The following CTNNA2 variants were observed in gnomAD, a reference collection of about 807,000 sequenced individuals.
The protein encoded by CTNNA2 is catenin alpha 2.
Under a neutral mutation model 101.0 loss-of-function variants are expected in CTNNA2, and 42 were observed. That is an observed-to-expected ratio of 0.42 (90% CI 0.32 to 0.54). The LOEUF is 0.54. Ranked by LOEUF, CTNNA2 falls within the 20% of genes least tolerant of loss-of-function variation. The pLI is 0.14. For synonymous variants in CTNNA2, 450 were observed against 456.4 expected, an observed-to-expected ratio of 0.99 and a Z score of 0.18; for missense variants, 871 against 1,223.1, an observed-to-expected ratio of 0.71 and a Z score of 4.29.
rs67782114 is a variant in CTNNA2, at chr2:79,664,705, CTTTTTTTTTTTTTT to C, written c.102+13060_102+13073del. Among the ~76,000 whole-genome samples, 18 of 94,988 alleles carry C rather than the reference CTTTTTTTTTTTTTT, an allele frequency of 1.9e-4. 2 individuals are homozygous for C. In the East Asian group the frequency reaches 5.6e-3, roughly 30 times the overall value. 62.3% of individuals were successfully genotyped at this position (94,988 alleles called of 152,430 possible). A position where few individuals can be genotyped will look rare whatever the true frequency, so the allele number is the denominator to read the frequency against. Reference sequence around the variant, plus strand: ...TAAATTCTGGAGAATTCACATTCTTCTTTTTTTTTTTTTTTTTTTTTTTTTTGAGACGGAGTCTC... The same window carrying C: ...TAAATTCTGGAGAATTCACATTCTTCTTTTTTTTTTTTGAGACGGAGTCTC... On this transcript the variant is annotated intron_variant, in intron 2 of 18. Coordinates refer to ENST00000402739, the MANE Select transcript of CTNNA2 (RefSeq NM_001282597.3).
intron 7 of CTNNA2, among the ~76,000 whole-genome samples, chr2:79,941,222 A>G (rs191035990): frequency 6.6e-6 from 1 of 152,282 alleles, no homozygotes; most frequent in East Asian, 1.9e-4. Context: ...AATAGCTTTT[A>G]TTTCCCTATA....
intron 7 of CTNNA2, among the ~76,000 whole-genome samples, chr2:80,195,612 CT>C (rs538517274): frequency 0.022 from 2,861 of 127,320 alleles, 45 homozygotes; most frequent in African/African-American, 0.052. Flanking sequence ...ACCAAAACAT[CT>C]TTTTTTTTTT....
intron 2 of CTNNA2, among the ~76,000 whole-genome samples, chr2:79,675,205 T>C (rs1683101578): frequency 6.6e-6 from 1 of 152,166 alleles, no homozygotes; most frequent in African/African-American, 2.4e-5. Context: ...TGAAGAACAA[T>C]GGGAGAATTA....
chr2:79,216,002 G>A (rs1343116781), intron 2 of CTNNA2, among the ~76,000 whole-genome samples: 1 of 152,008 alleles, frequency 6.6e-6, no homozygotes. Flanking sequence ...GATTTGGGAC[G>A]AGTTGCATTG....
At chr2:80,253,032 A>T (rs995236871) in intron 7 of CTNNA2, among the ~76,000 whole-genome samples, 5 of 151,714 alleles carry the variant, frequency 3.3e-5, no homozygotes, top group African/African-American at 1.2e-4. Context: ...CTTACTTTCT[A>T]CTCCAGTCCT....
intron 7 of CTNNA2, among the ~76,000 whole-genome samples, chr2:80,080,544 A>G (rs1374355346): frequency 6.6e-6 from 1 of 152,210 alleles, no homozygotes; most frequent in East Asian, 1.9e-4. Flanking sequence ...TAGCTTTGTG[A>G]CATTGGGATA....
intron 2 of CTNNA2, among the ~76,000 whole-genome samples, chr2:79,666,150 G>A (rs548054958): frequency 7.2e-5 from 11 of 152,202 alleles, no homozygotes; most frequent in Admixed American, 5.2e-4. Context: ...AGTGACTTTT[G>A]CATTTTTTAA....
intron 7 of CTNNA2, among the ~76,000 whole-genome samples, chr2:80,310,130 A>G (rs1315273199): frequency 1.3e-5 from 2 of 152,212 alleles, no homozygotes. Context: ...GATATCATTG[A>G]TTCCCTAGTT....
At chr2:80,398,657 C>T (rs1367373809) in intron 8 of CTNNA2, among the ~76,000 whole-genome samples, 33 of 150,150 alleles carry the variant, frequency 2.2e-4, no homozygotes, top group Non-Finnish European at 3.8e-4. Flanking sequence ...GAGTTCAAGA[C>T]CAGCCTGACC....
At chr2:80,223,280 C>T (rs574089812) in intron 7 of CTNNA2, among the ~76,000 whole-genome samples, 19 of 152,192 alleles carry the variant, frequency 1.2e-4, no homozygotes, top group Non-Finnish European at 2.4e-4. Flanking sequence ...AAGCGATAAA[C>T]GAAAACATCA....
At chr2:79,577,078 T>A (rs1675845482) in intron 1 of CTNNA2, among the ~76,000 whole-genome samples, 1 of 152,140 alleles carries the variant, frequency 6.6e-6, no homozygotes, top group South Asian at 2.1e-4. Context: ...TTAGTTAAAA[T>A]TTTCATGTGA....
chr2:79,680,080 TTTTTA>T (rs1384725050), intron 2 of CTNNA2, among the ~76,000 whole-genome samples: 1 of 152,060 alleles, frequency 6.6e-6, no homozygotes, highest in East Asian at 1.9e-4. Flanking sequence ...GATTTGGAAA[TTTTTA>T]TTTTATTCTT....
At chr2:80,089,705 CTA>C (rs531561335) in intron 7 of CTNNA2, among the ~76,000 whole-genome samples, 55 of 152,144 alleles carry the variant, frequency 3.6e-4, no homozygotes, top group African/African-American at 1.2e-3. Flanking sequence ...ACTGCCTTCA[CTA>C]TGAGTATTGT....
intron 7 of CTNNA2, among the ~76,000 whole-genome samples, chr2:79,995,151 C>A (rs1341414802): frequency 6.6e-6 from 1 of 152,158 alleles, no homozygotes; most frequent in African/African-American, 2.4e-5. Flanking sequence ...CTTGGCAATG[C>A]AATTATCTCA....
intron 1 of CTNNA2, among the ~76,000 whole-genome samples, chr2:79,541,348 C>G (rs1487395329): frequency 6.7e-6 from 1 of 149,874 alleles, no homozygotes; most frequent in Admixed American, 6.7e-5. Context: ...TATATATACA[C>G]ACACACAATG....
intron 7 of CTNNA2, among the ~76,000 whole-genome samples, chr2:80,094,813 T>C (rs1700041337): frequency 6.6e-6 from 1 of 152,166 alleles, no homozygotes; most frequent in African/African-American, 2.4e-5. Flanking sequence ...TGTTTGTCTG[T>C]TTTTGGTGTA....
chr2:80,552,388 T>C (rs565669873), intron 11 of CTNNA2, among the ~76,000 whole-genome samples: 1 of 152,314 alleles, frequency 6.6e-6, no homozygotes, highest in Admixed American at 6.5e-5. Flanking sequence ...TGCCTGTAGA[T>C]TGTTTTTAAT....
At chr2:80,612,871 T>A (rs1698577917) in intron 17 of CTNNA2, 1 of 151,530 alleles carries the variant, frequency 6.6e-6, no homozygotes, top group Admixed American at 6.6e-5. Context: ...GAATGCATGT[T>A]AGTGTTTCAT....
intron 8 of CTNNA2, among the ~76,000 whole-genome samples, chr2:80,395,363 A>G (rs1447670488): frequency 6.6e-6 from 1 of 152,256 alleles, no homozygotes; most frequent in Non-Finnish European, 1.5e-5. Context: ...TTCACACTGT[A>G]TCCATGAATT....
Sources: gnomAD v4.1 joint callset for allele counts (sites outside exome capture counted in the v4.1 genomes callset) on GRCh38, gnomAD v4.1.1 for gene constraint, MANE v1.5 for transcripts, NCBI Gene and HGNC (gene_info 2026-07-23, HGNC 2026-07-21) for gene names.